HSD17B12: variants seen among roughly 807,000 people sequenced by gnomAD.
HSD17B12 encodes hydroxysteroid 17-beta dehydrogenase 12, also known as very-long-chain 3-oxoacyl-CoA reductase.
Under a neutral mutation model 39.3 loss-of-function variants are expected in HSD17B12, and 32 were observed. The ratio of observed to expected loss-of-function variants is 0.81; its 90% confidence interval spans 0.61 to 1.09. The LOEUF is 1.09. HSD17B12 is among the 50% of genes least tolerant of loss of function. The pLI, the probability that HSD17B12 is intolerant of heterozygous loss-of-function variation, is 0.00. For missense variants in HSD17B12, 342 were observed against 382.9 expected (o/e 0.89, Z 0.89); for synonymous variants, 150 against 146.7 (o/e 1.02, Z -0.16).
At chr11:43,563,270 G>A in the HSD17B12 span, among the ~76,000 whole-genome samples, 8 of 152,256 alleles carry the variant, frequency 5.3e-5, no homozygotes, top group East Asian at 3.9e-4. Context: ...TGTAGCACTC[G>A]TAGTCCAGAG....
chr11:43,599,543 A>G, the HSD17B12 span, among the ~76,000 whole-genome samples: 1 of 152,142 alleles, frequency 6.6e-6, no homozygotes, highest in African/African-American at 2.4e-5. Context: ...AGTACCCATT[A>G]GTTATTTTTC....
At chr11:43,655,936 G>C in the HSD17B12 span, among the ~76,000 whole-genome samples, 3 of 152,190 alleles carry the variant, frequency 2.0e-5, no homozygotes, top group Non-Finnish European at 4.4e-5. Flanking sequence ...AGTTAGGGAG[G>C]ATTTCCTCTT....
chr11:43,729,182 C>T (rs190991535), intron 1 of HSD17B12, among the ~76,000 whole-genome samples: 4 of 152,220 alleles, frequency 2.6e-5, no homozygotes, highest in African/African-American at 9.6e-5. Context: ...AAAGTTATGA[C>T]ATTTAAAGAA....
At chr11:43,601,816 G>A in the HSD17B12 span, among the ~76,000 whole-genome samples, 204 of 152,318 alleles carry the variant, frequency 1.3e-3, 1 homozygote, top group African/African-American at 4.8e-3. Context: ...AACACTAAGA[G>A]ATCCTCTCAG....
chr11:43,677,895 G>A (rs1028519080), upstream of HSD17B12, among the ~76,000 whole-genome samples: 4 of 152,174 alleles, frequency 2.6e-5, no homozygotes, highest in African/African-American at 7.2e-5. Flanking sequence ...ATAAACATAC[G>A]CGTGCATGTG....
the HSD17B12 span, among the ~76,000 whole-genome samples, chr11:43,671,048 T>C: frequency 6.6e-6 from 1 of 152,202 alleles, no homozygotes; most frequent in Non-Finnish European, 1.5e-5. Flanking sequence ...GAAAACCTCC[T>C]CAAATTCCGC....
the HSD17B12 span, among the ~76,000 whole-genome samples, chr11:43,662,523 AAAAAAAAAAAAG>A: frequency 6.8e-6 from 1 of 146,098 alleles, no homozygotes; most frequent in Admixed American, 6.9e-5. Context: ...CCACATCTCA[AAAAAAAAAAAAG>A]AAAAAGAAAA....
chr11:43,630,803 TTC>T, the HSD17B12 span, among the ~76,000 whole-genome samples: 4 of 146,444 alleles, frequency 2.7e-5, no homozygotes, highest in African/African-American at 5.0e-5. Context: ...ATTTTTTTCT[TTC>T]TTTTTTTTTT....
At chr11:43,770,588 C>T (rs116671186) in intron 3 of HSD17B12, among the ~76,000 whole-genome samples, 5,682 of 152,154 alleles carry the variant, frequency 0.037, 344 homozygotes, top group African/African-American at 0.13. Context: ...GTACAAAAAT[C>T]AGCCAGGCTT....
At chr11:43,725,442 A>G (rs945196978) in intron 1 of HSD17B12, among the ~76,000 whole-genome samples, 16 of 152,254 alleles carry the variant, frequency 1.1e-4, no homozygotes, top group Admixed American at 8.5e-4. Flanking sequence ...TATTCTATGC[A>G]TATTCTGTAA....
the HSD17B12 span, among the ~76,000 whole-genome samples, chr11:43,652,545 G>C: frequency 6.6e-6 from 1 of 152,186 alleles, no homozygotes; most frequent in African/African-American, 2.4e-5. Flanking sequence ...CCAGTTGCAA[G>C]TCTGGGCCTC....
chr11:43,819,959 A>C (rs1049605427), intron 6 of HSD17B12, among the ~76,000 whole-genome samples: 18 of 152,162 alleles, frequency 1.2e-4, no homozygotes, highest in Admixed American at 1.2e-3. Flanking sequence ...AACTCTCAAC[A>C]TGTGGAATCA....
chr11:43,782,409 G>C (rs1048435210), intron 3 of HSD17B12, among the ~76,000 whole-genome samples: 1 of 152,098 alleles, frequency 6.6e-6, no homozygotes, highest in Non-Finnish European at 1.5e-5. Flanking sequence ...GGCCGGGTAC[G>C]GTGGCTCACT....
the HSD17B12 span, among the ~76,000 whole-genome samples, chr11:43,593,739 T>C: frequency 6.6e-6 from 1 of 151,672 alleles, no homozygotes; most frequent in Non-Finnish European, 1.5e-5. Flanking sequence ...GTATTGCTAG[T>C]GAGCAACAAA....
intron 3 of HSD17B12, among the ~76,000 whole-genome samples, chr11:43,796,292 G>A (rs1282052473): frequency 3.3e-5 from 5 of 152,016 alleles, no homozygotes; most frequent in Admixed American, 1.3e-4. Flanking sequence ...GATGGTGTGT[G>A]CCTATAGTCC....
chr11:43,656,364 T>G, the HSD17B12 span, among the ~76,000 whole-genome samples: 3 of 152,292 alleles, frequency 2.0e-5, no homozygotes, highest in African/African-American at 7.2e-5. Context: ...CCTGGATTCA[T>G]TGATTTTTTG....
At chr11:43,564,392 A>C in the HSD17B12 span, among the ~76,000 whole-genome samples, 1 of 152,228 alleles carries the variant, frequency 6.6e-6, no homozygotes, top group Non-Finnish European at 1.5e-5. Context: ...GAAATGATAT[A>C]AGGGACAAGG....
the HSD17B12 span, among the ~76,000 whole-genome samples, chr11:43,583,553 A>G: frequency 6.6e-6 from 1 of 152,134 alleles, no homozygotes; most frequent in Non-Finnish European, 1.5e-5. Flanking sequence ...AAGTGAAAAT[A>G]GGTGGCTTTT....
At chr11:43,579,995 C>T in the HSD17B12 span, among the ~76,000 whole-genome samples, 1 of 150,714 alleles carries the variant, frequency 6.6e-6, no homozygotes, top group Admixed American at 6.6e-5. Context: ...GTTTCCCCCA[C>T]TGGGGGACTA....
Sources: allele counts gnomAD v4.1 joint callset (sites outside exome capture counted in the v4.1 genomes callset), GRCh38; gene constraint gnomAD v4.1.1; transcripts MANE v1.5; gene names NCBI Gene and HGNC (gene_info 2026-07-23, HGNC 2026-07-21).